CPEB3: variants seen among roughly 807,000 people sequenced by gnomAD.
CPEB3 encodes the protein cytoplasmic polyadenylation element-binding protein 3.
CPEB3 carries 20 observed loss-of-function variants against 67.2 expected under a neutral mutation model. That is an observed-to-expected ratio of 0.30 (90% CI 0.21 to 0.43). The LOEUF is 0.43. Among genes scored for constraint, CPEB3 ranks in the 20% least tolerant of loss-of-function variants. The pLI, the probability that CPEB3 is intolerant of heterozygous loss-of-function variation, is 1.00. For synonymous variants in CPEB3, 376 were observed against 393.1 expected (o/e 0.96, Z 0.51); for missense variants, 746 against 968.6 (o/e 0.77, Z 3.05).
At position 92,186,409 on chromosome 10, in the gene CPEB3, T is replaced by C. The variant is rs1358314542; in HGVS notation, c.1166-5390A>G. Among the ~76,000 whole-genome samples, 3 of 147,866 alleles carry C rather than the reference T, an allele frequency of 2.0e-5. No individual in the cohort carries two copies. In the Admixed American group the frequency reaches 2.1e-4, roughly 10 times the overall value. ...TGTCTCAAAATAATAATAATCATCA[T>C]CATCTTTATCTTTTAAAACTCAGGT... On this transcript the variant is annotated intron_variant, in intron 3 of 9. Coordinates refer to ENST00000265997, the MANE Select transcript of CPEB3 (RefSeq NM_014912.5).
chr10:92,166,205 T>C (rs1590283364), intron 4 of CPEB3, among the ~76,000 whole-genome samples: 1 of 150,712 alleles, frequency 6.6e-6, no homozygotes, highest in African/African-American at 2.4e-5. Context: ...GTCTCCCGGG[T>C]TCAAGTGATT....
At chr10:92,169,234 G>T (rs915195288) in intron 4 of CPEB3, among the ~76,000 whole-genome samples, 1 of 151,376 alleles carries the variant, frequency 6.6e-6, no homozygotes, top group Non-Finnish European at 1.5e-5. Context: ...CACCTCCCAG[G>T]TTCAAGCGAT....
intron 6 of CPEB3, among the ~76,000 whole-genome samples, chr10:92,132,984 A>AGTG (rs1242080865): frequency 6.6e-6 from 1 of 152,244 alleles, no homozygotes; most frequent in African/African-American, 2.4e-5. Flanking sequence ...ACAAAGACAC[A>AGTG]ATGTACCAGA....
At chr10:92,135,509 C>A (rs1846049053) in intron 6 of CPEB3, among the ~76,000 whole-genome samples, 2 of 152,162 alleles carry the variant, frequency 1.3e-5, no homozygotes, top group African/African-American at 4.8e-5. Context: ...TGTCAGGAAA[C>A]AACAGATGCT....
At chr10:92,216,788 CTA>C in intron 2 of CPEB3, 1 of 1,609,868 alleles carries the variant, frequency 6.2e-7, no homozygotes, top group South Asian at 1.1e-5. Flanking sequence ...GCCCCTACCC[CTA>C]TGAGGAGCTC....
At position 92,187,392 on chromosome 10, in the gene CPEB3, T is replaced by C. The variant is rs1245608022; in HGVS notation, c.1165+5085A>G. 3.3e-5 allele frequency among the ~76,000 whole-genome samples: 5 copies of C among 152,312 alleles called. No individual in the cohort carries two copies. The South Asian group carries it at 6.2e-4, about 19-fold the overall frequency. On this transcript the variant is annotated intron_variant, in intron 3 of 9. Transcript: ENST00000265997. ...TGAGGGAAGAGAAAATTCAAATACA[T>C]AAAAATGTTTTACTAGGCACGAACC...
chr10:92,262,972 G>A (rs1467335920), intron 1 of CPEB3, among the ~76,000 whole-genome samples: 1 of 152,080 alleles, frequency 6.6e-6, no homozygotes, highest in African/African-American at 2.4e-5. Flanking sequence ...GTCTCACTAG[G>A]TTGCCCAGGC....
chr10:92,234,031 C>A (rs1186985631), intron 2 of CPEB3, among the ~76,000 whole-genome samples: 1 of 147,568 alleles, frequency 6.8e-6, no homozygotes, highest in Non-Finnish European at 1.5e-5. Context: ...CGCTTGAACC[C>A]AGAGATGGAG....
intron 1 of CPEB3, among the ~76,000 whole-genome samples, chr10:92,257,882 A>G (rs1852592093): frequency 6.6e-6 from 1 of 151,162 alleles, no homozygotes; most frequent in Non-Finnish European, 1.5e-5. Context: ...GGCGCCCACC[A>G]CCATGCCCAG....
rs1412731750 is a variant in CPEB3 at position 92,051,019 on chromosome 10, AT to A, written c.*1192del. ...CAGTTAGACATAATCACTTTACTATATAAAATAAATTTCACAATATATAACA... is the reference window on the plus strand; with the variant it reads ...CAGTTAGACATAATCACTTTACTATAAAAATAAATTTCACAATATATAACA... On this transcript the variant is annotated 3_prime_UTR_variant, in exon 10 of 10. Transcript: ENST00000265997. 6.6e-6 allele frequency: 1 copy of A among 152,652 alleles called. No individual in the cohort carries two copies. Among genetic ancestry groups the A allele is most frequent in the African/African-American group, 2.4e-5 (1 of 41,462 alleles). The allele number at this position is 152,652 out of a possible 1,614,324, so 9.5% of individuals were successfully genotyped here. A position where few individuals can be genotyped will look rare whatever the true frequency, so the allele number is the denominator to read the frequency against.
At chr10:92,207,141 C>A (rs1046574092) in intron 2 of CPEB3, among the ~76,000 whole-genome samples, 5 of 152,096 alleles carry the variant, frequency 3.3e-5, no homozygotes, top group Admixed American at 1.3e-4. Context: ...TGCCACCATG[C>A]CCTGCTAATT....
At chr10:92,115,342 T>C (rs1357356639) in intron 6 of CPEB3, among the ~76,000 whole-genome samples, 9 of 152,126 alleles carry the variant, frequency 5.9e-5, no homozygotes, top group Admixed American at 4.6e-4. Flanking sequence ...CCAGTAGAGA[T>C]GGGGTTTCAC....
At chr10:92,129,942 CAGG>C (rs1845769616) in intron 6 of CPEB3, among the ~76,000 whole-genome samples, 1 of 152,030 alleles carries the variant, frequency 6.6e-6, no homozygotes, top group African/African-American at 2.4e-5. Context: ...GAGGCTAAGG[CAGG>C]AGGACTGCTT....
intron 4 of CPEB3, among the ~76,000 whole-genome samples, chr10:92,158,651 C>T (rs899017783): frequency 5.9e-5 from 9 of 152,196 alleles, no homozygotes; most frequent in African/African-American, 1.9e-4. Context: ...TCTCCATTTA[C>T]TTTCCACTCA....
chr10:92,235,066 C>T (rs1416174754), intron 2 of CPEB3, among the ~76,000 whole-genome samples: 1 of 152,198 alleles, frequency 6.6e-6, no homozygotes, highest in Admixed American at 6.5e-5. Context: ...TAGGTAAATG[C>T]TGGATCCTCA....
intron 6 of CPEB3, among the ~76,000 whole-genome samples, chr10:92,132,682 A>G (rs1226042674): frequency 2.6e-5 from 4 of 152,240 alleles, no homozygotes; most frequent in Admixed American, 6.5e-5. Context: ...AGACGTCTAC[A>G]GAACTCTCCA....
chr10:92,228,718 A>T (rs1247724123), intron 2 of CPEB3, among the ~76,000 whole-genome samples: 22 of 144,262 alleles, frequency 1.5e-4, no homozygotes, highest in Non-Finnish European at 2.7e-4. Context: ...ATATATATAC[A>T]TTTTTTTTTT....
chr10:92,179,581 G>C (rs1201499411), intron 4 of CPEB3, among the ~76,000 whole-genome samples: 2 of 152,232 alleles, frequency 1.3e-5, no homozygotes, highest in Non-Finnish European at 2.9e-5. Context: ...TAGAAAAAAA[G>C]TTAGAGGCAG....
chr10:92,097,397 C>G (rs974147139), intron 7 of CPEB3, among the ~76,000 whole-genome samples: 7 of 152,140 alleles, frequency 4.6e-5, no homozygotes, highest in African/African-American at 1.7e-4. Context: ...GTTCCATTAG[C>G]ACATATGAGA....
Sources: allele counts gnomAD v4.1 joint callset (sites outside exome capture counted in the v4.1 genomes callset), GRCh38; gene constraint gnomAD v4.1.1; transcripts MANE v1.5; gene names NCBI Gene and HGNC (gene_info 2026-07-23, HGNC 2026-07-21).